Variants in DAB1 observed in about 807,000 individuals in gnomAD.
DAB1 encodes disabled homolog 1.
A neutral mutation model predicts 64.6 loss-of-function variants in DAB1; 15 were observed. That is an observed-to-expected ratio of 0.23 (90% confidence interval 0.16 to 0.36). The LOEUF (loss-of-function observed/expected upper bound fraction) is 0.36, where lower values mean the gene tolerates loss of function less well. Among genes scored for constraint, DAB1 ranks in the 10% least tolerant of loss-of-function variants. The probability of loss-of-function intolerance (pLI) is 1.00; values close to 1 mark genes in which losing one functional copy is unlikely to be tolerated. For synonymous variants in DAB1, 235 were observed against 251.9 expected, an observed-to-expected ratio of 0.93 and a Z score of 0.64; for missense variants, 596 against 706.7, an observed-to-expected ratio of 0.84 and a Z score of 1.78.
intron 1 of DAB1, among the ~76,000 whole-genome samples, chr1:57,362,824 C>A (rs1363229170): frequency 1.3e-5 from 2 of 152,140 alleles, no homozygotes; most frequent in Non-Finnish European, 2.9e-5. Context: ...CACAAGCACA[C>A]AAACACACAC....
chr1:58,467,546 G>A (rs1336174853), intron 3 of DAB1, among the ~76,000 whole-genome samples: 7 of 152,302 alleles, frequency 4.6e-5, no homozygotes, highest in Non-Finnish European at 1.0e-4. Context: ...GTGGTCCAGT[G>A]AGGGTTGGGG....
intron 5 of DAB1, among the ~76,000 whole-genome samples, chr1:58,122,659 T>C (rs1652821560): frequency 6.6e-6 from 1 of 152,168 alleles, no homozygotes; most frequent in African/African-American, 2.4e-5. Context: ...GCTGACCACC[T>C]TGTGTCCAAG....
At chr1:58,054,164 T>G (rs993327776) in intron 5 of DAB1, among the ~76,000 whole-genome samples, 12 of 152,250 alleles carry the variant, frequency 7.9e-5, no homozygotes, top group Admixed American at 4.6e-4. Context: ...TCTTAGAGTT[T>G]CCTAGGATGA....
chr1:57,004,512 G>A (rs978256435), intron 14 of DAB1, among the ~76,000 whole-genome samples: 4 of 152,096 alleles, frequency 2.6e-5, no homozygotes, highest in Non-Finnish European at 5.9e-5. Context: ...GCCCCATCCC[G>A]GGGGCCTAGG....
At chr1:57,424,338 C>CGAGG (rs1685174804), upstream of DAB1, among the ~76,000 whole-genome samples, 5 of 150,890 alleles carry the variant, frequency 3.3e-5, no homozygotes, top group African/African-American at 1.2e-4. Context: ...GAAGAACGAG[C>CGAGG]GAGCGAGCGA....
intron 5 of DAB1, among the ~76,000 whole-genome samples, chr1:57,957,855 C>T (rs1224261444): frequency 6.6e-6 from 1 of 152,176 alleles, no homozygotes; most frequent in East Asian, 1.9e-4. Context: ...TGAAACAAGA[C>T]TTCAAAAGAA....
intron 3 of DAB1, among the ~76,000 whole-genome samples, chr1:58,369,317 T>G (rs1470894340): frequency 6.6e-6 from 1 of 152,208 alleles, no homozygotes; most frequent in Admixed American, 6.5e-5. Context: ...GAAAAAAAAC[T>G]AAGATAATAC....
intron 4 of DAB1, among the ~76,000 whole-genome samples, chr1:58,306,017 C>T (rs1302217950): frequency 4.0e-5 from 6 of 151,708 alleles, no homozygotes. Flanking sequence ...AGTCCTCCTC[C>T]TATGAAGGGA....
intron 1 of DAB1, among the ~76,000 whole-genome samples, chr1:58,528,962 A>G (rs1333235925): frequency 6.6e-6 from 1 of 152,238 alleles, no homozygotes; most frequent in Non-Finnish European, 1.5e-5. Flanking sequence ...GATAAATGTT[A>G]TCTTTCTTAT....
chr1:57,373,675 A>G (rs1192490995), intron 1 of DAB1, among the ~76,000 whole-genome samples: 2 of 152,144 alleles, frequency 1.3e-5, no homozygotes. Context: ...TACTTCCTGA[A>G]TCTATTAGGA....
intron 1 of DAB1, among the ~76,000 whole-genome samples, chr1:57,299,913 C>G (rs1372159434): frequency 6.6e-6 from 1 of 152,200 alleles, no homozygotes; most frequent in East Asian, 1.9e-4. Context: ...CCAAAATGCA[C>G]AGAGCTATAT....
chr1:57,430,203 A>G (rs745964931), intron 7 of DAB1, among the ~76,000 whole-genome samples: 4 of 152,108 alleles, frequency 2.6e-5, no homozygotes, highest in Non-Finnish European at 4.4e-5. Context: ...TTTCACATCG[A>G]TAGTTAAATT....
chr1:57,408,369 C>G (rs776601403), intron 1 of DAB1, among the ~76,000 whole-genome samples: 52 of 152,108 alleles, frequency 3.4e-4, no homozygotes, highest in Non-Finnish European at 6.6e-4. Context: ...GGTGACACCC[C>G]GTAATGTAAC....
intron 3 of DAB1, among the ~76,000 whole-genome samples, chr1:58,405,382 A>AT (rs375051529): frequency 4.8e-4 from 71 of 148,324 alleles, no homozygotes; most frequent in Admixed American, 8.7e-4. Context: ...TGTTTGTTTA[A>AT]TTTTTTTTTT....
downstream of DAB1, among the ~76,000 whole-genome samples, chr1:57,821,853 A>G (rs932671321): frequency 6.6e-6 from 1 of 152,184 alleles, no homozygotes; most frequent in African/African-American, 2.4e-5. Flanking sequence ...CAAGAGAAAA[A>G]GTGTTAACTG....
At chr1:57,659,380 T>A (rs1646357890) in intron 6 of DAB1, among the ~76,000 whole-genome samples, 1 of 152,204 alleles carries the variant, frequency 6.6e-6, no homozygotes, top group Admixed American at 6.5e-5. Flanking sequence ...GTCATTGCAT[T>A]AAACACAGAT....
At chr1:57,629,936 A>C (rs910221710) in intron 7 of DAB1, among the ~76,000 whole-genome samples, 1 of 152,166 alleles carries the variant, frequency 6.6e-6, no homozygotes, top group African/African-American at 2.4e-5. Context: ...TAATGTTCAT[A>C]ACATTTCAGA....
chr1:57,938,127 G>C (rs2102047199), intron 5 of DAB1, among the ~76,000 whole-genome samples: 1 of 152,338 alleles, frequency 6.6e-6, no homozygotes, highest in East Asian at 1.9e-4. Context: ...TGAATTTAGA[G>C]TTAGAGACAT....
intron 4 of DAB1, among the ~76,000 whole-genome samples, chr1:58,156,428 C>T (rs1196363034): frequency 6.6e-6 from 1 of 152,194 alleles, no homozygotes; most frequent in South Asian, 2.1e-4. Flanking sequence ...AAGCCCTTAA[C>T]TTTTTCCTCC....
Sources: allele counts gnomAD v4.1 joint callset (sites outside exome capture counted in the v4.1 genomes callset), GRCh38; gene constraint gnomAD v4.1.1; transcripts MANE v1.5; gene names NCBI Gene and HGNC (gene_info 2026-07-23, HGNC 2026-07-21).